SLC15A2: variants seen among roughly 807,000 people sequenced by gnomAD.
SLC15A2 encodes the protein solute carrier family 15 member 2.
In SLC15A2, 77 loss-of-function variants were observed where a neutral mutation model predicts 95.5. The ratio of observed to expected loss-of-function variants is 0.81; its 90% CI spans 0.67 to 0.97. The LOEUF (loss-of-function observed/expected upper bound fraction) is 0.97, where lower values mean the gene tolerates loss of function less well. Ranked by LOEUF, SLC15A2 falls within the 50% of genes least tolerant of loss-of-function variation. The probability of loss-of-function intolerance (pLI) is 0.00; values close to 1 mark genes in which losing one functional copy is unlikely to be tolerated. For synonymous variants in SLC15A2, 306 were observed against 306.9 expected (o/e 1.00, Z 0.03); for missense variants, 893 against 874.4 (o/e 1.02, Z -0.27).
intron 3 of SLC15A2, among the ~76,000 whole-genome samples, chr3:121,904,562 G>C (rs904958408): frequency 1.3e-5 from 2 of 152,208 alleles, no homozygotes; most frequent in African/African-American, 2.4e-5. Context: ...TAGCATGAAG[G>C]GCTGTTGATT....
chr3:121,915,378 C>G (rs2107587668), intron 6 of SLC15A2, 61 bp downstream of exon 6: 2 of 1,130,392 alleles, frequency 1.8e-6, no homozygotes, highest in Non-Finnish European at 2.7e-6. Flanking sequence ...AAAAGCTGTT[C>G]AAGGCTTTCT....
At chr3:121,919,161 A>G (rs769024743) in intron 7 of SLC15A2, among the ~76,000 whole-genome samples, 4 of 152,236 alleles carry the variant, frequency 2.6e-5, no homozygotes, top group African/African-American at 4.8e-5. Context: ...TCACTCCTGT[A>G]GTTCAACGAG....
chr3:121,940,279 G>T (rs1471649911), intron 20 of SLC15A2, 105 bp from the exon 21 acceptor site: 1 of 736,558 alleles, frequency 1.4e-6, no homozygotes, highest in East Asian at 2.5e-5. Context: ...AACTTAATAA[G>T]AGAAGTTCTA....
At chr3:121,922,693 T>C in intron 8 of SLC15A2, 82 bp from the exon 9 acceptor site, 2 of 907,814 alleles carry the variant, frequency 2.2e-6, no homozygotes, top group Admixed American at 2.3e-5. Flanking sequence ...AGTATGGTGT[T>C]TGAAGGAAGG....
At chr3:121,924,743 G>C (rs970829211) in intron 12 of SLC15A2, among the ~76,000 whole-genome samples, 4 of 152,152 alleles carry the variant, frequency 2.6e-5, no homozygotes, top group Admixed American at 2.0e-4. Flanking sequence ...TTGTCCCTTG[G>C]GATATTTGAA....
intron 19 of SLC15A2, among the ~76,000 whole-genome samples, chr3:121,935,777 T>G (rs1360556969): frequency 6.6e-6 from 1 of 152,178 alleles, no homozygotes; most frequent in Non-Finnish European, 1.5e-5. Context: ...AGTTCTGCTC[T>G]GATTTTAGTT....
Position 121,930,911 on chromosome 3 carries a change from A to G in SLC15A2, c.1625A>G (p.Asp542Gly), listed in dbSNP as rs149740080. ...STDTSLNVGE[D>G]YGVSAYRTVQ... The stretch of plus-strand genomic sequence containing the variant: ...GATACCTCTCTCAATGTTGGTGAAG[A>G]CTATGGTGTGTCTGCTTATAGAACT... The change falls in exon 18 of 22, where the codon GAC becomes GGC. Residue 542 changes from aspartate to glycine, a missense_variant. Physicochemically the swap from Asp to Gly is moderately conservative, Grantham distance 94. Coordinates refer to ENST00000489711, the MANE Select transcript of SLC15A2 (RefSeq NM_021082.4). 3 of 1,613,408 alleles carry G rather than the reference A, an allele frequency of 1.9e-6. No individual in the cohort carries two copies. In the African/African-American group the frequency reaches 4.0e-5, roughly 22 times the overall value.
In SLC15A2 at chr3:121,940,940, C is replaced by A; in HGVS notation, c.2123C>A (p.Ala708Glu). ...PVKTEDMRGPADKHIPHIQGN... is the reference protein window; with the variant it reads ...PVKTEDMRGPEDKHIPHIQGN... ...AAGACAGAGGATATGCGGGGTCCAG[C>A]AGATAAGCACATTCCTCACATCCAG... The change falls in exon 22 of 22, where the codon GCA becomes GAA. Residue 708 changes from alanine (A) to glutamate (E), a missense_variant. Ala to Glu is a moderately radical substitution (Grantham distance 107). Coordinates refer to ENST00000489711, the MANE Select transcript of SLC15A2 (RefSeq NM_021082.4). The A allele has an allele frequency of 6.2e-7, 1 of 1,614,146 alleles. No individual in the cohort carries two copies. Among genetic ancestry groups the A allele is most frequent in the Non-Finnish European group, 8.5e-7 (1 of 1,180,010 alleles).
At chr3:121,931,077 T>C in intron 18 of SLC15A2, 127 bp downstream of exon 18, 1 of 617,316 alleles carries the variant, frequency 1.6e-6, no homozygotes. Context: ...ACTACTGATC[T>C]TTTCCAACTC....
rs76469580 is a variant in SLC15A2 at position 121,929,328 on chromosome 3, C to T, written c.1533C>T (p.Thr511=). The change falls in exon 17 of 22, where the codon ACC becomes ACT. Residue 511 remains threonine, a synonymous_variant. Coordinates refer to ENST00000489711, the MANE Select transcript of SLC15A2 (RefSeq NM_021082.4). ...TAAAGGATACAGAAAGCAGAACAAC[C>T]AATGGGATGACAACCGTGAGGTTTG... ...MMVKDTESRT[T]NGMTTVRFVN... 474 of 1,613,876 alleles carry T rather than the reference C, an allele frequency of 2.9e-4. No homozygotes were observed. The highest frequency in any genetic ancestry group is 9.9e-4 in the Middle Eastern group (6 of 6,062).
chr3:121,938,500 G>A (rs577115143), intron 19 of SLC15A2, among the ~76,000 whole-genome samples: 58 of 152,222 alleles, frequency 3.8e-4, no homozygotes, highest in African/African-American at 1.2e-3. Flanking sequence ...GAAAAGCGCA[G>A]TATTCCGGTG....
At position 121,915,515 on chromosome 3, in the gene SLC15A2, T is replaced by A. The variant is rs1709875925; in HGVS notation, c.620-101T>A. 4.3e-6 allele frequency: 4 copies of A among 938,446 alleles called. No homozygotes were observed. In the Admixed American group the frequency reaches 7.6e-5, roughly 18 times the overall value. 58.1% of individuals were successfully genotyped at this position (938,446 alleles called of 1,614,324 possible). A position where few individuals can be genotyped will look rare whatever the true frequency, so the allele number is the denominator to read the frequency against. ...GAGGAAAGAGGGTGGTTATGTCTAT[T>A]CTACAAGCTCAGGTTTATTCAACAA... On this transcript the variant is annotated intron_variant, in intron 6 of 21. Transcript: ENST00000489711.
chr3:121,909,035 T>A (rs184413614), intron 3 of SLC15A2, among the ~76,000 whole-genome samples: 6 of 152,096 alleles, frequency 3.9e-5, no homozygotes, highest in Admixed American at 6.5e-5. Flanking sequence ...ACTGTTCATT[T>A]ATTTATTTTT....
rs201507226 is a variant in SLC15A2, at chr3:121,923,228, C to T, written c.964C>T (p.Arg322Ter). 12 of 1,613,904 alleles carry T rather than the reference C, an allele frequency of 7.4e-6. No individual in the cohort carries two copies. In the East Asian group the frequency reaches 1.1e-4, roughly 15 times the overall value. Residue 322 changes from arginine to a stop codon, truncating the protein, a stop_gained, in exon 11 of 22, where the codon CGA becomes TGA. Coordinates refer to ENST00000489711, the MANE Select transcript of SLC15A2 (RefSeq NM_021082.4). LOFTEE classifies it high-confidence loss of function. ...CAGGATCTGTTTGCCCTAGGGTTCACGATGGACTTTGCAAGCCATCAGGAT... is the reference window on the plus strand; with the variant it reads ...CAGGATCTGTTTGCCCTAGGGTTCATGATGGACTTTGCAAGCCATCAGGAT... Reference protein sequence around the residue: ...FWALLDQQGSRWTLQAIRMNR... With the variant: ...FWALLDQQGS
intron 7 of SLC15A2, among the ~76,000 whole-genome samples, chr3:121,917,323 C>T (rs1308959160): frequency 1.3e-5 from 2 of 152,128 alleles, no homozygotes; most frequent in African/African-American, 4.8e-5. Context: ...ATCAGTATTT[C>T]CCAGATCAAT....
At chr3:121,901,891 T>C (rs1341659740) in intron 3 of SLC15A2, among the ~76,000 whole-genome samples, 2 of 152,108 alleles carry the variant, frequency 1.3e-5, no homozygotes, top group African/African-American at 2.4e-5. Flanking sequence ...TATTCACGTG[T>C]TACTTTGAGG....
chr3:121,902,241 A>G (rs985759505), intron 3 of SLC15A2, among the ~76,000 whole-genome samples: 6 of 152,176 alleles, frequency 3.9e-5, no homozygotes, highest in Admixed American at 2.0e-4. Flanking sequence ...TTTTAGTCAT[A>G]GTTCCTAGAT....
At chr3:121,905,260 C>T (rs1476346275) in intron 3 of SLC15A2, among the ~76,000 whole-genome samples, 3 of 151,974 alleles carry the variant, frequency 2.0e-5, no homozygotes, top group Non-Finnish European at 4.4e-5. Context: ...ATTAGTCTTG[C>T]TAGTGGTCTA....
At chr3:121,912,396 G>C (rs906027218) in intron 4 of SLC15A2, among the ~76,000 whole-genome samples, 2 of 152,050 alleles carry the variant, frequency 1.3e-5, no homozygotes, top group African/African-American at 2.4e-5. Context: ...ACCACGCCCG[G>C]CTAATTTGTG....
Sources: gnomAD v4.1 joint callset for allele counts (sites outside exome capture counted in the v4.1 genomes callset) on GRCh38, gnomAD v4.1.1 for gene constraint, MANE v1.5 for transcripts, NCBI Gene and HGNC (gene_info 2026-07-23, HGNC 2026-07-21) for gene names.